The following TMEM178B variants were observed in gnomAD, a reference collection of about 807,000 sequenced individuals.
The protein encoded by TMEM178B is transmembrane protein 178B.
TMEM178B carries 5 observed loss-of-function variants against 31.0 expected under a neutral mutation model. That is an observed-to-expected ratio of 0.16 (90% CI 0.08 to 0.34). The LOEUF (loss-of-function observed/expected upper bound fraction) is 0.34, where lower values mean the gene tolerates loss of function less well. Ranked by LOEUF, TMEM178B falls within the 10% of genes least tolerant of loss-of-function variation. The pLI, the probability that TMEM178B is intolerant of heterozygous loss-of-function variation, is 1.00. For missense variants in TMEM178B, 275 were observed against 400.3 expected, an observed-to-expected ratio of 0.69 and a Z score of 2.67; for synonymous variants, 164 against 164.0, an observed-to-expected ratio of 1.00 and a Z score of 0.00.
At chr7:141,078,329 T>C (rs1794629301) in intron 1 of TMEM178B, among the ~76,000 whole-genome samples, 1 of 152,236 alleles carries the variant, frequency 6.6e-6, no homozygotes, top group Admixed American at 6.5e-5. Context: ...CTTCAACTGA[T>C]ACTCTAAGAA....
At chr7:141,483,327 T>C (rs1802508849), downstream of TMEM178B, among the ~76,000 whole-genome samples, 1 of 152,034 alleles carries the variant, frequency 6.6e-6, no homozygotes, top group Admixed American at 6.5e-5. Flanking sequence ...CTATATTCTT[T>C]CTCTTTCCCT....
chr7:141,118,977 C>T (rs11982218), intron 1 of TMEM178B, among the ~76,000 whole-genome samples: 6,712 of 152,162 alleles, frequency 0.044, 524 homozygotes, highest in African/African-American at 0.15. Context: ...TTATTTGGCA[C>T]GCGTGGCTCT....
In TMEM178B at chr7:141,479,109, AG is replaced by A. The variant is rs1459730007; in HGVS notation, c.*8325del. On this transcript the variant is annotated 3_prime_UTR_variant, in exon 4 of 4. Coordinates refer to ENST00000565468, the MANE Select transcript of TMEM178B (RefSeq NM_001195278.2). ...CTGTCCAAGTCCTAGAGGCCAAAGC[AG>A]GTCATATTCTTCAGCTGCAGGAATG... 2.6e-5 allele frequency: 4 copies of A among 152,220 alleles called. No individual in the cohort carries two copies. Among genetic ancestry groups the A allele is most frequent in the African/African-American group, 9.7e-5 (4 of 41,414 alleles). The allele number at this position is 152,220 out of a possible 1,614,324, so 9.4% of individuals were successfully genotyped here. A position where few individuals can be genotyped will look rare whatever the true frequency, so the allele number is the denominator to read the frequency against.
rs376143948 is a variant in TMEM178B, at chr7:141,106,574, A to G, written c.382+31882A>G. 1.4e-4 allele frequency among the ~76,000 whole-genome samples: 22 copies of G among 152,308 alleles called. 1 individual carries two copies. The highest frequency in any genetic ancestry group is 5.3e-4 in the African/African-American group (22 of 41,562). ...TAGAAATACTTAAACTCTCTCTGAG[A>G]TACCAGATATCTGGAGCCTTCTTTC... On this transcript the variant is annotated intron_variant, in intron 1 of 3. Transcript: ENST00000565468.
At chr7:141,191,977 G>C (rs1431370129) in intron 1 of TMEM178B, among the ~76,000 whole-genome samples, 2 of 152,068 alleles carry the variant, frequency 1.3e-5, no homozygotes, top group Non-Finnish European at 2.9e-5. Context: ...ACAAATATTT[G>C]ATCCATTGGG....
intron 1 of TMEM178B, among the ~76,000 whole-genome samples, chr7:141,144,389 G>A (rs1795819717): frequency 6.6e-6 from 1 of 151,964 alleles, no homozygotes; most frequent in South Asian, 2.1e-4. Flanking sequence ...TTTTTCTTAT[G>A]CCAAAAATAA....
intron 2 of TMEM178B, among the ~76,000 whole-genome samples, chr7:141,290,874 A>G (rs149226291): frequency 2.6e-4 from 40 of 152,296 alleles, no homozygotes; most frequent in African/African-American, 9.4e-4. Flanking sequence ...GACCACGTCC[A>G]CCTTCAAGCT....
At chr7:141,110,466 A>G (rs923792416) in intron 1 of TMEM178B, among the ~76,000 whole-genome samples, 1 of 152,236 alleles carries the variant, frequency 6.6e-6, no homozygotes, top group African/African-American at 2.4e-5. Context: ...GAGAACCAAT[A>G]AATATACACT....
intron 1 of TMEM178B, among the ~76,000 whole-genome samples, chr7:141,154,676 G>A (rs1796035916): frequency 6.6e-6 from 1 of 151,988 alleles, no homozygotes; most frequent in African/African-American, 2.4e-5. Context: ...TTCTTCATGA[G>A]TTAGCTGGAG....
intron 1 of TMEM178B, among the ~76,000 whole-genome samples, chr7:141,167,931 A>G (rs1469733006): frequency 6.6e-6 from 1 of 152,206 alleles, no homozygotes; most frequent in Non-Finnish European, 1.5e-5. Context: ...TAAAAATCTC[A>G]TAATCATTTG....
At chr7:141,145,945 C>T (rs866866736) in intron 1 of TMEM178B, among the ~76,000 whole-genome samples, 1 of 152,322 alleles carries the variant, frequency 6.6e-6, no homozygotes, top group Middle Eastern at 3.4e-3. Flanking sequence ...TTCTGGAAAG[C>T]ATTAGGTTCA....
intron 2 of TMEM178B, among the ~76,000 whole-genome samples, chr7:141,283,965 T>G (rs1251371680): frequency 2.0e-5 from 3 of 152,196 alleles, no homozygotes; most frequent in Non-Finnish European, 4.4e-5. Context: ...GAATAATAAC[T>G]CAGCAGAACT....
At chr7:141,505,572 C>G in the TMEM178B span, among the ~76,000 whole-genome samples, 2 of 152,174 alleles carry the variant, frequency 1.3e-5, no homozygotes, top group East Asian at 3.9e-4. Flanking sequence ...GAGTAAGTTT[C>G]TTATAGTTAA....
intron 2 of TMEM178B, among the ~76,000 whole-genome samples, chr7:141,276,532 C>G (rs551715290): frequency 8.5e-5 from 13 of 152,116 alleles, no homozygotes; most frequent in African/African-American, 3.1e-4. Context: ...GGGGAAAAGT[C>G]CCTTATAAAA....
chr7:141,247,338 GTC>G (rs1204857597), intron 2 of TMEM178B, among the ~76,000 whole-genome samples: 2 of 151,940 alleles, frequency 1.3e-5, no homozygotes, highest in African/African-American at 4.8e-5. Context: ...AGGTCTCTCT[GTC>G]TCTCTATCTA....
chr7:141,459,042 T>C (rs904359332), intron 3 of TMEM178B, among the ~76,000 whole-genome samples: 1 of 152,222 alleles, frequency 6.6e-6, no homozygotes, highest in Non-Finnish European at 1.5e-5. Flanking sequence ...GTTTGTTTGT[T>C]TTTTGAGACA....
At position 141,344,595 on chromosome 7, in the gene TMEM178B, CCTTCCT is replaced by C. The variant is rs1799581917; in HGVS notation, c.497-93012_497-93007del. On this transcript the variant is annotated intron_variant, in intron 2 of 3. Coordinates refer to ENST00000565468, the MANE Select transcript of TMEM178B (RefSeq NM_001195278.2). The surrounding 1 kb of genome is among the most constrained non-coding windows in gnomAD (Gnocchi z 4.1). ...TCCTCCCTTCCTTCCTTCCTTCCTT[CCTTCCT>C]TCCTTCCTTCCTTCCTTCCTTCCTT... 7.6e-6 allele frequency among the ~76,000 whole-genome samples: 1 copy of C among 132,362 alleles called. No homozygotes were observed. The highest frequency in any genetic ancestry group is 2.8e-5 in the African/African-American group (1 of 35,228). 86.8% of individuals were successfully genotyped at this position (132,362 alleles called of 152,430 possible). A position where few individuals can be genotyped will look rare whatever the true frequency, so the allele number is the denominator to read the frequency against.
rs1036950147 is a variant in TMEM178B at position 141,478,484 on chromosome 7, T to C, written c.*7698T>C. 2.6e-5 allele frequency: 4 copies of C among 152,198 alleles called. No individual in the cohort carries two copies. The highest frequency in any genetic ancestry group is 9.7e-5 in the African/African-American group (4 of 41,436). The allele number at this position is 152,198 out of a possible 1,614,324, so 9.4% of individuals were successfully genotyped here. On this transcript the variant is annotated 3_prime_UTR_variant, in exon 4 of 4. Coordinates refer to ENST00000565468, the MANE Select transcript of TMEM178B (RefSeq NM_001195278.2). Reference sequence around the variant, plus strand: ...TGGAACCAGCTTCAGGAAGGTAGTATAGACCAGCGTCATCCAATGGAACCA... The same window carrying C: ...TGGAACCAGCTTCAGGAAGGTAGTACAGACCAGCGTCATCCAATGGAACCA...
chr7:141,481,208 G>C (rs1181647061), downstream of TMEM178B, among the ~76,000 whole-genome samples: 2 of 152,164 alleles, frequency 1.3e-5, no homozygotes, highest in Admixed American at 1.3e-4. Flanking sequence ...CCTCTCTCAG[G>C]CAGTAGCTCT....
Sources: allele counts gnomAD v4.1 joint callset (sites outside exome capture counted in the v4.1 genomes callset), GRCh38; gene constraint gnomAD v4.1.1; non-coding constraint Gnocchi (gnomAD v3.1); transcripts MANE v1.5; gene names NCBI Gene and HGNC (gene_info 2026-07-23, HGNC 2026-07-21).